SNX29: variants seen among roughly 807,000 people sequenced by gnomAD.
SNX29 encodes the protein sorting nexin-29.
Under a neutral mutation model 102.1 loss-of-function variants are expected in SNX29, and 78 were observed. The ratio of observed to expected loss-of-function variants is 0.76; its 90% CI spans 0.64 to 0.92. The LOEUF (loss-of-function observed/expected upper bound fraction) is 0.92. SNX29 is among the 40% of genes least tolerant of loss of function. The pLI, the probability that SNX29 is intolerant of heterozygous loss-of-function variation, is 0.00. For synonymous variants in SNX29, 580 were observed against 414.5 expected (o/e 1.40, Z -4.85); for missense variants, 1,280 against 1,061.7 (o/e 1.21, Z -2.86).
chr16:12,095,417 T>C (rs2052725896), intron 11 of SNX29: 1 of 151,968 alleles, frequency 6.6e-6, no homozygotes, highest in Non-Finnish European at 1.5e-5. Context: ...CTGCGGGTGG[T>C]GGTTATCTGA....
rs75057403 is a variant in SNX29, at chr16:12,317,029, T to C, written c.1782+38993T>C. Among the ~76,000 whole-genome samples, 57 of 152,352 alleles carry C rather than the reference T, an allele frequency of 3.7e-4. 3 individuals are homozygous for C. In the East Asian group the frequency reaches 0.011, roughly 28 times the overall value. On this transcript the variant is annotated intron_variant, in intron 15 of 20. Transcript: ENST00000566228. Reference sequence around the variant, plus strand: ...ATTCCTTTATTAAATGGAATGTAACTTGAATTGTTCTTTTCCAGTTTGCCT... The same window carrying C: ...ATTCCTTTATTAAATGGAATGTAACCTGAATTGTTCTTTTCCAGTTTGCCT...
chr16:12,553,986 G>T (rs557029107), intron 20 of SNX29, among the ~76,000 whole-genome samples: 1 of 152,098 alleles, frequency 6.6e-6, no homozygotes, highest in South Asian at 2.1e-4. Flanking sequence ...CACCACATTT[G>T]GCTAATTTTT....
chr16:12,520,801 G>C lies in SNX29; in HGVS notation c.2179-3901G>C, dbSNP rs180885971. On this transcript the variant is annotated intron_variant, in intron 19 of 20. Transcript: ENST00000566228. The stretch of plus-strand genomic sequence containing the variant: ...TAATGGACTTTGGGGACTCAGGCGT[G>C]GGGGAGGTTGGGAGGGAGGTGAGGG... Among the ~76,000 whole-genome samples, 402 of 152,222 alleles carry C rather than the reference G, an allele frequency of 2.6e-3. 1 individual carries two copies. Among genetic ancestry groups the C allele is most frequent in the African/African-American group, 8.8e-3 (367 of 41,530 alleles).
Position 12,572,595 on chromosome 16 carries a change from G to T in SNX29, c.*3966G>T. ...CAGCCATGTTCTCTGGGCTCCCAGT[G>T]AGCCCCCTCCCCTCCGGCTACCCCC... On this transcript the variant is annotated 3_prime_UTR_variant, in exon 21 of 21. Coordinates refer to ENST00000566228, the MANE Select transcript of SNX29 (RefSeq NM_032167.5). The T allele has an allele frequency of 9.4e-7, 1 of 1,064,306 alleles. No individual in the cohort carries two copies. Among genetic ancestry groups the T allele is most frequent in the Non-Finnish European group, 1.1e-6 (1 of 878,628 alleles). 65.9% of individuals were successfully genotyped at this position (1,064,306 alleles called of 1,614,324 possible).
At chr16:11,977,982 G>T (rs1186654854) in intron 1 of SNX29, 1 of 152,196 alleles carries the variant, frequency 6.6e-6, no homozygotes, top group Non-Finnish European at 1.5e-5. Context: ...CTTCCACTCA[G>T]GCATTTCTGG....
intron 20 of SNX29, among the ~76,000 whole-genome samples, chr16:12,549,294 A>G (rs1320470931): frequency 6.6e-6 from 1 of 152,118 alleles, no homozygotes; most frequent in Non-Finnish European, 1.5e-5. Context: ...CAGAAGTTGG[A>G]AACCAGCCTG....
intron 19 of SNX29, chr16:12,515,664 C>T: frequency 2.1e-6 from 1 of 481,360 alleles, no homozygotes; most frequent in Non-Finnish European, 4.1e-6. Flanking sequence ...ATCTCTGTGC[C>T]AGCACTCTTT....
intron 5 of SNX29, 75 bp downstream of exon 5, chr16:12,043,152 T>C (rs1596674535): frequency 9.6e-6 from 15 of 1,555,122 alleles, no homozygotes; most frequent in South Asian, 8.1e-5. Flanking sequence ...TCAGACCACC[T>C]GGATTTTCAT....
At chr16:12,561,573 G>T (rs372381789) in intron 20 of SNX29, among the ~76,000 whole-genome samples, 5 of 152,046 alleles carry the variant, frequency 3.3e-5, no homozygotes, top group East Asian at 3.9e-4. Flanking sequence ...GAGGCTGTCC[G>T]ATTAATGTCA....
At chr16:12,546,560 T>C (rs1393595401) in intron 20 of SNX29, 1 of 152,224 alleles carries the variant, frequency 6.6e-6, no homozygotes, top group Non-Finnish European at 1.5e-5. Flanking sequence ...GAATTCAAGA[T>C]GACACATGGT....
chr16:12,480,493 C>T (rs573617333), intron 19 of SNX29, among the ~76,000 whole-genome samples: 1 of 152,258 alleles, frequency 6.6e-6, no homozygotes, highest in Non-Finnish European at 1.5e-5. Flanking sequence ...CAAATTAATC[C>T]CCCGACCCCA....
intron 13 of SNX29, among the ~76,000 whole-genome samples, chr16:12,185,872 T>C (rs1412714606): frequency 6.6e-6 from 1 of 152,238 alleles, no homozygotes; most frequent in African/African-American, 2.4e-5. Context: ...GATGCTCAGA[T>C]GCAAGTTGCA....
intron 14 of SNX29, among the ~76,000 whole-genome samples, chr16:12,240,467 T>G (rs1231272749): frequency 6.6e-6 from 1 of 151,070 alleles, no homozygotes; most frequent in Non-Finnish European, 1.5e-5. Context: ...TTGCTGTCAG[T>G]TTTTTAGTAT....
chr16:12,231,084 C>T (rs998940059), intron 14 of SNX29, among the ~76,000 whole-genome samples: 3 of 152,096 alleles, frequency 2.0e-5, no homozygotes. Flanking sequence ...AACTCCTGAC[C>T]TAAGGTGATC....
intron 20 of SNX29, among the ~76,000 whole-genome samples, chr16:12,539,027 C>G (rs183086717): frequency 6.6e-6 from 1 of 152,138 alleles, no homozygotes; most frequent in Non-Finnish European, 1.5e-5. Context: ...TCCATGAATC[C>G]AGAATGGGGC....
intron 13 of SNX29, among the ~76,000 whole-genome samples, chr16:12,197,758 G>A (rs1225281565): frequency 2.0e-5 from 3 of 152,166 alleles, no homozygotes; most frequent in East Asian, 3.8e-4. Flanking sequence ...GGATAACTAA[G>A]GGACTCCCTT....
intron 19 of SNX29, among the ~76,000 whole-genome samples, chr16:12,515,065 C>T (rs769347949): frequency 1.3e-5 from 2 of 152,054 alleles, no homozygotes; most frequent in Non-Finnish European, 2.9e-5. Context: ...TTGCTAGTGA[C>T]GGCTCCTCCT....
At chr16:12,558,251 C>T (rs1038559848) in intron 20 of SNX29, among the ~76,000 whole-genome samples, 2 of 151,936 alleles carry the variant, frequency 1.3e-5, no homozygotes. Flanking sequence ...TAGATGGTAT[C>T]TGAGGTCTTC....
chr16:12,198,931 C>G (rs1003104130), intron 13 of SNX29, among the ~76,000 whole-genome samples: 3 of 152,152 alleles, frequency 2.0e-5, no homozygotes, highest in African/African-American at 7.2e-5. Context: ...CCCCTTTGTC[C>G]TCATGTTCTG....
Sources: allele counts gnomAD v4.1 joint callset (sites outside exome capture counted in the v4.1 genomes callset), GRCh38; gene constraint gnomAD v4.1.1; transcripts MANE v1.5; gene names NCBI Gene and HGNC (gene_info 2026-07-23, HGNC 2026-07-21).